The following NR3C2 variants were observed in gnomAD, a reference collection of about 807,000 sequenced individuals.
The protein encoded by NR3C2 is nuclear receptor subfamily 3 group C member 2, also known as mineralocorticoid receptor.
A neutral mutation model predicts 86.4 loss-of-function variants in NR3C2; 15 were observed. The ratio of observed to expected loss-of-function variants is 0.17; its 90% CI spans 0.12 to 0.27. The LOEUF is 0.27. NR3C2 is among the 10% of genes least tolerant of loss of function. NR3C2 has a pLI of 1.00. For synonymous variants in NR3C2, 458 were observed against 450.5 expected (o/e 1.02, Z -0.21); for missense variants, 960 against 1,195.6 (o/e 0.80, Z 2.91).
At chr4:148,346,983 T>C (rs995806143) in intron 2 of NR3C2, among the ~76,000 whole-genome samples, 2 of 151,960 alleles carry the variant, frequency 1.3e-5, no homozygotes, top group African/African-American at 4.8e-5. Flanking sequence ...GCTGAAAACA[T>C]GGAATAAGCC....
intron 3 of NR3C2, among the ~76,000 whole-genome samples, chr4:148,228,591 A>G (rs1738301492): frequency 2.0e-5 from 3 of 152,192 alleles, no homozygotes; most frequent in African/African-American, 7.2e-5. Flanking sequence ...CATGCTGCAA[A>G]TATTTTCTTC....
intron 3 of NR3C2, among the ~76,000 whole-genome samples, chr4:148,231,009 G>A (rs1738433261): frequency 6.6e-6 from 1 of 152,190 alleles, no homozygotes; most frequent in Non-Finnish European, 1.5e-5. Flanking sequence ...GCCTAACAGA[G>A]AAGACTGCTT....
chr4:148,182,292 G>C (rs1735682165), intron 4 of NR3C2, among the ~76,000 whole-genome samples: 1 of 151,996 alleles, frequency 6.6e-6, no homozygotes, highest in Non-Finnish European at 1.5e-5. Context: ...TAAGATTGCT[G>C]GTGTTTCTTT....
rs774616254 is a variant in NR3C2, at chr4:148,427,601, G to T, written c.1757+7503C>A. Among the ~76,000 whole-genome samples the T allele has an allele frequency of 1.2e-3, 178 of 151,920 alleles. 3 individuals carry two copies. The highest frequency in any genetic ancestry group is 5.3e-4 in the Non-Finnish European group (36 of 67,994). ...GCAGGGTGAGGACAGCCCAGCACGG[G>T]AGTCTGTGCCTCGGTGGGATAAGGA... On this transcript the variant is annotated intron_variant, in intron 2 of 8. Transcript: ENST00000358102.
intron 2 of NR3C2, among the ~76,000 whole-genome samples, chr4:148,348,677 C>A (rs1745122004): frequency 6.6e-6 from 1 of 152,042 alleles, no homozygotes; most frequent in Admixed American, 6.6e-5. Context: ...TTTATAGGAT[C>A]CTTTGCCTGG....
chr4:148,155,943 T>C (rs1734362811), intron 4 of NR3C2, among the ~76,000 whole-genome samples: 1 of 152,042 alleles, frequency 6.6e-6, no homozygotes, highest in Non-Finnish European at 1.5e-5. Context: ...AACAGAGCCC[T>C]CAGAAATAAC....
At chr4:148,430,427 T>C (rs576464986) in intron 2 of NR3C2, among the ~76,000 whole-genome samples, 7 of 152,252 alleles carry the variant, frequency 4.6e-5, no homozygotes, top group Non-Finnish European at 8.8e-5. Context: ...TTAATTTTTT[T>C]ATTATCACCA....
intron 4 of NR3C2, among the ~76,000 whole-genome samples, chr4:148,191,035 T>C (rs1405436075): frequency 6.6e-6 from 1 of 152,198 alleles, no homozygotes; most frequent in African/African-American, 2.4e-5. Context: ...CCTGTGTACT[T>C]TGGTTTTTTG....
At chr4:148,275,424 C>A (rs1740909933) in intron 2 of NR3C2, among the ~76,000 whole-genome samples, 1 of 151,800 alleles carries the variant, frequency 6.6e-6, no homozygotes, top group South Asian at 2.1e-4. Context: ...ATAAGCCAAT[C>A]TTATCTTATC....
intron 8 of NR3C2, among the ~76,000 whole-genome samples, chr4:148,095,764 A>G (rs1731249466): frequency 6.6e-6 from 1 of 152,192 alleles, no homozygotes; most frequent in South Asian, 2.1e-4. Context: ...GGGTCTGTCC[A>G]GTGCCTGCCC....
rs575647288 is a variant in NR3C2, at chr4:148,121,668, CATGT to C, written c.2511-1384_2511-1381del. Among the ~76,000 whole-genome samples, 780 of 152,312 alleles carry C rather than the reference CATGT, an allele frequency of 5.1e-3. 5 individuals are homozygous for C. Among genetic ancestry groups the C allele is most frequent in the South Asian group, 0.03 (146 of 4,826 alleles). ...TCTCAGATGTGTCTATTTCACTACA[CATGT>C]ATGTATCTACAAAAACAGCATACAG... On this transcript the variant is annotated intron_variant, in intron 6 of 8. Transcript: ENST00000358102.
chr4:148,151,331 C>T (rs780071794), intron 6 of NR3C2, among the ~76,000 whole-genome samples: 8 of 152,020 alleles, frequency 5.3e-5, no homozygotes, highest in South Asian at 4.1e-4. Flanking sequence ...TATTTTAAAA[C>T]GGGCTTACTA....
chr4:148,200,011 T>A (rs1341177151), intron 3 of NR3C2, among the ~76,000 whole-genome samples: 1 of 152,214 alleles, frequency 6.6e-6, no homozygotes, highest in African/African-American at 2.4e-5. Context: ...AGGAATGTTC[T>A]AGAGAAATGT....
At chr4:148,371,050 A>AT (rs1746391546) in intron 2 of NR3C2, among the ~76,000 whole-genome samples, 1 of 152,050 alleles carries the variant, frequency 6.6e-6, no homozygotes, top group South Asian at 2.1e-4. Flanking sequence ...TTAATTTTTA[A>AT]TTTTTGTAGG....
intron 3 of NR3C2, among the ~76,000 whole-genome samples, chr4:148,232,357 C>T (rs1560991031): frequency 6.6e-6 from 1 of 152,160 alleles, no homozygotes; most frequent in Non-Finnish European, 1.5e-5. Context: ...CATTAATTTC[C>T]CTGTACATCT....
chr4:148,100,655 T>C (rs999536515), intron 8 of NR3C2, among the ~76,000 whole-genome samples: 1 of 152,162 alleles, frequency 6.6e-6, no homozygotes, highest in Non-Finnish European at 1.5e-5. Flanking sequence ...TGTGGAAAAG[T>C]TCGGTGTTTC....
Position 148,251,787 on chromosome 4 carries a change from C to G in NR3C2, c.1897+8191G>C, listed in dbSNP as rs72655224. 3.3e-5 allele frequency among the ~76,000 whole-genome samples: 5 copies of G among 152,218 alleles called. No homozygotes were observed. In the East Asian group the frequency reaches 9.6e-4, roughly 29 times the overall value. On this transcript the variant is annotated intron_variant, in intron 3 of 8. Coordinates refer to ENST00000358102, the MANE Select transcript of NR3C2 (RefSeq NM_000901.5). ...TAGAGATTACCCAATTTCTTTTCCA[C>G]TAAGGCAACAGAAATTCAAATTAAG...
intron 2 of NR3C2, among the ~76,000 whole-genome samples, chr4:148,281,185 C>A (rs1741218606): frequency 6.6e-6 from 1 of 152,158 alleles, no homozygotes; most frequent in African/African-American, 2.4e-5. Context: ...AGGAGAGGAG[C>A]AGACTGTGGT....
chr4:148,183,138 A>G (rs1289224765), intron 4 of NR3C2, among the ~76,000 whole-genome samples: 1 of 152,152 alleles, frequency 6.6e-6, no homozygotes, highest in Non-Finnish European at 1.5e-5. Flanking sequence ...ATGTCCCTGT[A>G]AAGGACATGA....
Sources: gnomAD v4.1 joint callset for allele counts (sites outside exome capture counted in the v4.1 genomes callset) on GRCh38, gnomAD v4.1.1 for gene constraint, MANE v1.5 for transcripts, NCBI Gene and HGNC (gene_info 2026-07-23, HGNC 2026-07-21) for gene names.